Variants in ADAMTS3 observed in about 807,000 individuals in gnomAD.
ADAMTS3 encodes A disintegrin and metalloproteinase with thrombospondin motifs 3.
Under a neutral mutation model 129.0 loss-of-function variants are expected in ADAMTS3, and 73 were observed. The ratio of observed to expected loss-of-function variants is 0.57; its 90% CI spans 0.47 to 0.69. ADAMTS3 has a LOEUF of 0.69. ADAMTS3 is among the 30% of genes least tolerant of loss of function. The pLI is 0.00. For missense variants in ADAMTS3, 1,457 were observed against 1,514.5 expected, an observed-to-expected ratio of 0.96 and a Z score of 0.63; for synonymous variants, 477 against 510.8, an observed-to-expected ratio of 0.93 and a Z score of 0.89.
At chr4:72,524,355 C>T (rs1578760855) in intron 3 of ADAMTS3, among the ~76,000 whole-genome samples, 1 of 152,090 alleles carries the variant, frequency 6.6e-6, no homozygotes, top group South Asian at 2.1e-4. Flanking sequence ...TTTCTAAATA[C>T]ACACATGTTG....
intron 4 of ADAMTS3, among the ~76,000 whole-genome samples, chr4:72,351,754 G>C (rs1177004471): frequency 1.3e-5 from 2 of 151,790 alleles, no homozygotes; most frequent in South Asian, 2.1e-4. Context: ...AGCAAACATG[G>C]ATATCACCTT....
chr4:72,522,270 T>C (rs1290160395), intron 3 of ADAMTS3, among the ~76,000 whole-genome samples: 3 of 152,148 alleles, frequency 2.0e-5, no homozygotes, highest in Non-Finnish European at 4.4e-5. Context: ...ATCCTCAATA[T>C]TCACAACAAG....
intron 4 of ADAMTS3, among the ~76,000 whole-genome samples, chr4:72,403,887 C>T (rs1345123113): frequency 6.6e-6 from 1 of 151,962 alleles, no homozygotes; most frequent in Non-Finnish European, 1.5e-5. Flanking sequence ...TTCTCCCTGA[C>T]TTTGTGTGTA....
At chr4:72,566,837 G>C (rs940329471) in intron 2 of ADAMTS3, among the ~76,000 whole-genome samples, 1 of 152,160 alleles carries the variant, frequency 6.6e-6, no homozygotes, top group Non-Finnish European at 1.5e-5. Flanking sequence ...TGGGATTTTA[G>C]ATATTAGCAA....
chr4:72,453,900 T>TAA (rs140779324), intron 3 of ADAMTS3, among the ~76,000 whole-genome samples: 3,890 of 148,184 alleles, frequency 0.026, 158 homozygotes, highest in African/African-American at 0.084. Context: ...ATATTATATG[T>TAA]AAAATATATA....
At position 72,288,767 on chromosome 4, in the gene ADAMTS3, T is replaced by C. The variant is rs2109768685; in HGVS notation, c.3033A>G (p.Gln1011=). ...GACACCTACCATTACAAGGAGGCAG[T>C]TGACAGGCTCTGACCGACTCAGGCT... ...GEKPESVRAC[Q]LPPCNDEPCL... is the part of the protein sequence containing the mutation. Residue 1011 remains glutamine, a synonymous_variant, in exon 21 of 22, where the codon CAA becomes CAG. Coordinates refer to ENST00000286657, the MANE Select transcript of ADAMTS3 (RefSeq NM_014243.3). 3 of 1,613,124 alleles carry C rather than the reference T, an allele frequency of 1.9e-6. No homozygotes were observed. The East Asian group carries it at 6.7e-5, about 36-fold the overall frequency.
intron 3 of ADAMTS3, among the ~76,000 whole-genome samples, chr4:72,505,723 G>A (rs758465093): frequency 3.5e-4 from 54 of 152,238 alleles, no homozygotes; most frequent in Non-Finnish European, 8.8e-5. Flanking sequence ...TGAGTTCCCT[G>A]CCTGGAGATG....
Position 72,561,079 on chromosome 4 carries a change from C to T in ADAMTS3, c.97+6295G>A, listed in dbSNP as rs769957584. ...ATTAAGAAATGGGGCCAGGGCCAGG[C>T]ACGGTGGCTAACACTGTAATCCTAG... On this transcript the variant is annotated intron_variant, in intron 2 of 21. Coordinates refer to ENST00000286657, the MANE Select transcript of ADAMTS3 (RefSeq NM_014243.3). Among the ~76,000 whole-genome samples the T allele has an allele frequency of 2.2e-4, 34 of 152,162 alleles. No homozygotes were observed. The Middle Eastern group carries it at 0.02, about 91-fold the overall frequency.
intron 3 of ADAMTS3, among the ~76,000 whole-genome samples, chr4:72,545,393 G>A (rs1162874971): frequency 3.9e-5 from 6 of 152,120 alleles, no homozygotes; most frequent in African/African-American, 1.4e-4. Flanking sequence ...GGTACATTCT[G>A]TCAGCTCTCA....
chr4:72,445,194 G>A (rs986038351), intron 3 of ADAMTS3, among the ~76,000 whole-genome samples: 3 of 151,732 alleles, frequency 2.0e-5, no homozygotes, highest in South Asian at 2.1e-4. Context: ...TGTATGGTAT[G>A]TGAATCACAA....
At chr4:72,404,919 T>G (rs1722013561) in intron 4 of ADAMTS3, among the ~76,000 whole-genome samples, 1 of 151,918 alleles carries the variant, frequency 6.6e-6, no homozygotes, top group Non-Finnish European at 1.5e-5. Flanking sequence ...ACAATTCTTC[T>G]GTGTAAAACA....
intron 3 of ADAMTS3, among the ~76,000 whole-genome samples, chr4:72,463,435 A>C (rs1578703284): frequency 6.6e-6 from 1 of 152,160 alleles, no homozygotes; most frequent in South Asian, 2.1e-4. Flanking sequence ...TGCAAAGCAG[A>C]AGCATACATT....
At chr4:72,343,761 A>G (rs1179630184) in intron 4 of ADAMTS3, among the ~76,000 whole-genome samples, 1 of 151,984 alleles carries the variant, frequency 6.6e-6, no homozygotes, top group Non-Finnish European at 1.5e-5. Context: ...ATTCAAAAGG[A>G]AAAAAAAGGC....
At chr4:72,386,557 T>C (rs1165112026) in intron 4 of ADAMTS3, among the ~76,000 whole-genome samples, 2 of 152,128 alleles carry the variant, frequency 1.3e-5, no homozygotes, top group African/African-American at 4.8e-5. Flanking sequence ...AAATCTGTTT[T>C]TGAATTTTAC....
At chr4:72,451,822 C>A (rs1014526063) in intron 3 of ADAMTS3, among the ~76,000 whole-genome samples, 1 of 151,792 alleles carries the variant, frequency 6.6e-6, no homozygotes, top group South Asian at 2.1e-4. Context: ...GGAGGCCAGG[C>A]ACAGTGGCTC....
intron 4 of ADAMTS3, among the ~76,000 whole-genome samples, chr4:72,363,007 C>G (rs1040413082): frequency 6.6e-6 from 1 of 152,000 alleles, no homozygotes; most frequent in East Asian, 1.9e-4. Context: ...ACAGTAACAG[C>G]CATAAACCCA....
rs189968247 is a variant in ADAMTS3, at chr4:72,325,034, C to A, written c.862-1937G>T. ...TTAGGGTGAGAATTAAGAGAGTTAA[C>A]TCATGCAAACAAATCGCTAAAAAAT... On this transcript the variant is annotated intron_variant, in intron 5 of 21. Coordinates refer to ENST00000286657, the MANE Select transcript of ADAMTS3 (RefSeq NM_014243.3). Among the ~76,000 whole-genome samples, 3 of 151,950 alleles carry A rather than the reference C, an allele frequency of 2.0e-5. No individual in the cohort carries two copies. The East Asian group carries it at 5.8e-4, about 29-fold the overall frequency.
chr4:72,287,555 G>A (rs1718539632), intron 21 of ADAMTS3, among the ~76,000 whole-genome samples: 1 of 151,472 alleles, frequency 6.6e-6, no homozygotes, highest in African/African-American at 2.4e-5. Flanking sequence ...AGATGAGAGG[G>A]AAAAAGAATG....
intron 4 of ADAMTS3, among the ~76,000 whole-genome samples, chr4:72,354,603 C>A (rs1315071582): frequency 6.6e-6 from 1 of 151,946 alleles, no homozygotes; most frequent in Non-Finnish European, 1.5e-5. Context: ...AGTTTTAATG[C>A]ATTTTTGATC....
Sources: gnomAD v4.1 joint callset for allele counts (sites outside exome capture counted in the v4.1 genomes callset) on GRCh38, gnomAD v4.1.1 for gene constraint, MANE v1.5 for transcripts, NCBI Gene and HGNC (gene_info 2026-07-23, HGNC 2026-07-21) for gene names.